The following HTR1F variants were observed in gnomAD, a reference collection of about 807,000 sequenced individuals.
HTR1F encodes the protein 5-hydroxytryptamine (serotonin) receptor 1F, G protein-coupled.
A neutral mutation model predicts 24.0 loss-of-function variants in HTR1F; 17 were observed. That is an observed-to-expected ratio of 0.71 (90% CI 0.48 to 1.06). HTR1F has a LOEUF of 1.06. Ranked by LOEUF, HTR1F falls within the 50% of genes least tolerant of loss-of-function variation. The pLI is 0.00. For synonymous variants in HTR1F, 186 were observed against 156.8 expected, an observed-to-expected ratio of 1.19 and a Z score of -1.39; for missense variants, 391 against 427.8, an observed-to-expected ratio of 0.91 and a Z score of 0.76.
At chr3:87,942,807 G>T (rs1213965107) in intron 2 of HTR1F, among the ~76,000 whole-genome samples, 5 of 151,630 alleles carry the variant, frequency 3.3e-5, no homozygotes, top group South Asian at 2.1e-4. Flanking sequence ...AAAAACCCAG[G>T]TTACCAAGTT....
chr3:87,938,387 C>T (rs1426868804), intron 2 of HTR1F, among the ~76,000 whole-genome samples: 2 of 152,162 alleles, frequency 1.3e-5, no homozygotes, highest in Non-Finnish European at 2.9e-5. Context: ...ACATCCAGTG[C>T]TATTCCCATC....
chr3:87,823,096 A>G (rs1704390899), intron 2 of HTR1F, among the ~76,000 whole-genome samples: 1 of 152,214 alleles, frequency 6.6e-6, no homozygotes, highest in South Asian at 2.1e-4. Context: ...ATGGATTTTA[A>G]TATTTTTAAG....
At chr3:87,846,950 C>T (rs552820521) in intron 2 of HTR1F, among the ~76,000 whole-genome samples, 1 of 151,546 alleles carries the variant, frequency 6.6e-6, no homozygotes, top group South Asian at 2.1e-4. Context: ...AATTTTATGG[C>T]AAGTATATTC....
At chr3:87,939,922 C>T (rs2853321) in intron 2 of HTR1F, among the ~76,000 whole-genome samples, 2 of 152,050 alleles carry the variant, frequency 1.3e-5, no homozygotes, top group Non-Finnish European at 2.9e-5. Context: ...AATTTGTCTG[C>T]TCTTGCTTCT....
chr3:87,944,469 A>G (rs1008439063), intron 2 of HTR1F, among the ~76,000 whole-genome samples: 1 of 152,160 alleles, frequency 6.6e-6, no homozygotes, highest in Admixed American at 6.5e-5. Context: ...CTGAATACCC[A>G]TTGTGGTTTT....
At chr3:87,987,978 G>C (rs1405330650) in intron 2 of HTR1F, among the ~76,000 whole-genome samples, 3 of 151,286 alleles carry the variant, frequency 2.0e-5, no homozygotes, top group Admixed American at 6.6e-5. Context: ...TCAAGAGAGA[G>C]AAACTCATAG....
At chr3:87,928,047 CT>C (rs5850817) in intron 2 of HTR1F, among the ~76,000 whole-genome samples, 48,505 of 130,972 alleles carry the variant, frequency 0.37, 6,837 homozygotes, top group African/African-American at 0.51. Flanking sequence ...AATATCTTTG[CT>C]TTTTTTTTTT....
At chr3:87,840,360 A>G (rs1360385009) in intron 2 of HTR1F, among the ~76,000 whole-genome samples, 1 of 152,168 alleles carries the variant, frequency 6.6e-6, no homozygotes, top group East Asian at 1.9e-4. Flanking sequence ...AGAAATGCAA[A>G]TTAAAAATAC....
chr3:87,805,948 C>T (rs1704066617), intron 1 of HTR1F, among the ~76,000 whole-genome samples: 1 of 152,024 alleles, frequency 6.6e-6, no homozygotes, highest in African/African-American at 2.4e-5. Flanking sequence ...CATTTACATG[C>T]ACATTCATTA....
At chr3:87,975,109 A>C (rs1219909982) in intron 2 of HTR1F, among the ~76,000 whole-genome samples, 1 of 152,174 alleles carries the variant, frequency 6.6e-6, no homozygotes, top group Non-Finnish European at 1.5e-5. Context: ...CTTTCAACCT[A>C]GAAATAATAA....
At chr3:87,823,378 C>T (rs2107130417) in intron 2 of HTR1F, among the ~76,000 whole-genome samples, 1 of 152,336 alleles carries the variant, frequency 6.6e-6, no homozygotes, top group East Asian at 1.9e-4. Context: ...TCAAGATGCT[C>T]TTGCCCCTGC....
chr3:87,817,909 G>A (rs1383287663), intron 1 of HTR1F, among the ~76,000 whole-genome samples: 2 of 152,138 alleles, frequency 1.3e-5, no homozygotes, highest in African/African-American at 4.8e-5. Flanking sequence ...AGGAGAGTCA[G>A]TAGAAAAATA....
chr3:87,860,927 C>A (rs765067740), intron 2 of HTR1F, among the ~76,000 whole-genome samples: 1 of 152,046 alleles, frequency 6.6e-6, no homozygotes, highest in Non-Finnish European at 1.5e-5. Context: ...GGAAATGAGG[C>A]GGGCAGGTCA....
chr3:87,806,302 G>C (rs1390188141), intron 1 of HTR1F, among the ~76,000 whole-genome samples: 1 of 151,780 alleles, frequency 6.6e-6, no homozygotes, highest in Non-Finnish European at 1.5e-5. Flanking sequence ...TTAGTTTTTT[G>C]GGAAATCTCC....
intron 2 of HTR1F, among the ~76,000 whole-genome samples, chr3:87,879,241 T>G (rs1705734542): frequency 6.6e-6 from 1 of 152,198 alleles, no homozygotes; most frequent in African/African-American, 2.4e-5. Context: ...AAAATTTGAT[T>G]TATTGCAATA....
At chr3:87,985,261 G>C (rs1559659139) in intron 2 of HTR1F, among the ~76,000 whole-genome samples, 1 of 152,024 alleles carries the variant, frequency 6.6e-6, no homozygotes, top group Non-Finnish European at 1.5e-5. Context: ...CTTGAACCCA[G>C]GAGGCAGAGG....
At chr3:87,982,175 G>A (rs1705559102) in intron 2 of HTR1F, among the ~76,000 whole-genome samples, 1 of 152,054 alleles carries the variant, frequency 6.6e-6, no homozygotes. Flanking sequence ...CACCCACCTT[G>A]GCCTCCCAAA....
At chr3:87,914,611 G>A (rs192223209) in intron 2 of HTR1F, among the ~76,000 whole-genome samples, 163 of 152,068 alleles carry the variant, frequency 1.1e-3, no homozygotes, top group African/African-American at 3.8e-3. Context: ...ACTCAGCAGA[G>A]GCAGCCATAA....
At chr3:87,931,672 A>C (rs1403738055) in intron 2 of HTR1F, among the ~76,000 whole-genome samples, 1 of 152,052 alleles carries the variant, frequency 6.6e-6, no homozygotes, top group Non-Finnish European at 1.5e-5. Flanking sequence ...CCAACAGTGT[A>C]AAAGTGTTCC....
Sources: allele counts gnomAD v4.1 joint callset (sites outside exome capture counted in the v4.1 genomes callset), GRCh38; gene constraint gnomAD v4.1.1; transcripts MANE v1.5; gene names NCBI Gene and HGNC (gene_info 2026-07-23, HGNC 2026-07-21).